The following EPHA6 variants were observed in gnomAD, a reference collection of about 807,000 sequenced individuals.
The protein encoded by EPHA6 is EPH receptor A6, also known as ephrin type-A receptor 6.
EPHA6 carries 50 observed loss-of-function variants against 112.0 expected under a neutral mutation model. The ratio of observed to expected loss-of-function variants is 0.45; its 90% CI spans 0.36 to 0.56. The LOEUF is 0.56. Ranked by LOEUF, EPHA6 falls within the 20% of genes least tolerant of loss-of-function variation. EPHA6 has a pLI of 0.00. For synonymous variants in EPHA6, 529 were observed against 490.7 expected, an observed-to-expected ratio of 1.08 and a Z score of -1.03; for missense variants, 1,280 against 1,417.4, an observed-to-expected ratio of 0.90 and a Z score of 1.56.
intron 3 of EPHA6, among the ~76,000 whole-genome samples, chr3:97,106,528 G>A (rs2047574861): frequency 6.6e-6 from 1 of 152,080 alleles, no homozygotes; most frequent in Non-Finnish European, 1.5e-5. Flanking sequence ...TCCCCCTTCT[G>A]GCTTCCCCAT....
intron 5 of EPHA6, among the ~76,000 whole-genome samples, chr3:97,363,122 A>T (rs1385261326): frequency 7.3e-6 from 1 of 137,880 alleles, no homozygotes; most frequent in East Asian, 2.2e-4. Flanking sequence ...CATGTAAGAG[A>T]TTTTAATAGA....
At chr3:96,988,229 C>A (rs1016005365) in intron 3 of EPHA6, among the ~76,000 whole-genome samples, 11 of 151,978 alleles carry the variant, frequency 7.2e-5, no homozygotes, top group Non-Finnish European at 1.5e-4. Flanking sequence ...TCAAATAATA[C>A]ATTTTTGAGT....
chr3:96,826,164 G>T (rs2033646330), intron 1 of EPHA6, among the ~76,000 whole-genome samples: 1 of 151,820 alleles, frequency 6.6e-6, no homozygotes, highest in African/African-American at 2.4e-5. Context: ...TTAATTCTAT[G>T]CCAGATTATA....
chr3:97,043,805 T>C (rs1237396722), intron 3 of EPHA6, among the ~76,000 whole-genome samples: 1 of 152,130 alleles, frequency 6.6e-6, no homozygotes, highest in Non-Finnish European at 1.5e-5. Context: ...TACAAAGAAA[T>C]ATATCTGTTC....
In EPHA6 at chr3:97,592,615, C is replaced by T. The variant is rs56105715; in HGVS notation, c.2390C>T (p.Ser797Phe). The change falls in exon 12 of 18, where the codon TCC becomes TTC. Residue 797 changes from serine to phenylalanine, a missense_variant. Around this residue, in one of 4 missense-constraint regions of EPHA6, gnomAD observed 878 missense variants for 999.7 expected, o/e 0.88. Coordinates refer to ENST00000389672, the MANE Select transcript of EPHA6 (RefSeq NM_001080448.3). ...IRLEGVVTKRSFPAIGVEAFC... is the reference protein window; with the variant it reads ...IRLEGVVTKRFFPAIGVEAFC... ...GTCAATTTTTATCTCTTAAAAGGAT[C>T]CTTCCCGGCCATTGGGGTGGAGGCG... 10 of 1,612,982 alleles carry T rather than the reference C, an allele frequency of 6.2e-6. No individual in the cohort carries two copies. Among genetic ancestry groups the T allele is most frequent in the Non-Finnish European group, 8.5e-6 (10 of 1,179,492 alleles).
At chr3:97,626,818 C>A (rs1284460409) in intron 13 of EPHA6, among the ~76,000 whole-genome samples, 1 of 151,798 alleles carries the variant, frequency 6.6e-6, no homozygotes, top group East Asian at 1.9e-4. Flanking sequence ...CAAATCAGGG[C>A]TTTCTGTCTT....
At chr3:97,035,449 T>A (rs1576364574) in intron 3 of EPHA6, among the ~76,000 whole-genome samples, 1 of 151,940 alleles carries the variant, frequency 6.6e-6, no homozygotes, top group African/African-American at 2.4e-5. Flanking sequence ...ATTCTTCTTT[T>A]TTTCAATATC....
chr3:96,982,961 A>G (rs557898162), intron 2 of EPHA6, among the ~76,000 whole-genome samples: 2 of 152,094 alleles, frequency 1.3e-5, no homozygotes, highest in African/African-American at 4.8e-5. Flanking sequence ...TGCATATGTG[A>G]TGGGTTTCCT....
intron 5 of EPHA6, among the ~76,000 whole-genome samples, chr3:97,274,252 G>A (rs190893546): frequency 6.6e-6 from 1 of 152,284 alleles, no homozygotes; most frequent in East Asian, 1.9e-4. Context: ...CGGGGGAGTA[G>A]GTGGGAGTGA....
intron 5 of EPHA6, among the ~76,000 whole-genome samples, chr3:97,264,349 C>A (rs2079602219): frequency 2.0e-5 from 3 of 152,364 alleles, no homozygotes; most frequent in South Asian, 4.1e-4. Context: ...GACATGCCAG[C>A]TGCTTCCACA....
intron 14 of EPHA6, among the ~76,000 whole-genome samples, chr3:97,697,078 C>A (rs953755369): frequency 2.0e-5 from 3 of 152,126 alleles, no homozygotes; most frequent in Non-Finnish European, 2.9e-5. Context: ...TTTTCCTAAA[C>A]CTCATCAGTG....
At chr3:97,725,221 T>A (rs1262235317) in intron 15 of EPHA6, among the ~76,000 whole-genome samples, 1 of 152,098 alleles carries the variant, frequency 6.6e-6, no homozygotes, top group Non-Finnish European at 1.5e-5. Context: ...TATTCCAGCT[T>A]TGCAACCCCA....
rs183731747 is a variant in EPHA6, at chr3:97,755,036, T to C, written c.*6335T>C. The stretch of plus-strand genomic sequence containing the variant: ...TTCTTTTAAACAAAACATGGAAAAG[T>C]TCTTGCTTGAACTTTCACACTGATT... On this transcript the variant is annotated 3_prime_UTR_variant, in exon 18 of 18. Coordinates refer to ENST00000389672, the MANE Select transcript of EPHA6 (RefSeq NM_001080448.3). Among the ~76,000 whole-genome samples, 198 of 152,300 alleles carry C rather than the reference T, an allele frequency of 1.3e-3. No homozygotes were observed. Among genetic ancestry groups the C allele is most frequent in the Middle Eastern group, 3.4e-3 (1 of 294 alleles).
chr3:97,344,204 A>G (rs1320717819), intron 5 of EPHA6, among the ~76,000 whole-genome samples: 1 of 152,128 alleles, frequency 6.6e-6, no homozygotes, highest in Non-Finnish European at 1.5e-5. Flanking sequence ...TGCTGGAACG[A>G]GTTAAGATTT....
chr3:96,992,026 T>C (rs1285822388), intron 3 of EPHA6, among the ~76,000 whole-genome samples: 1 of 152,166 alleles, frequency 6.6e-6, no homozygotes. Context: ...TCTTTTGGCT[T>C]TCTTACTAGT....
rs531290382 is a variant in EPHA6 at position 97,060,878 on chromosome 3, T to C, written c.1114+72885T>C. On this transcript the variant is annotated intron_variant, in intron 3 of 17. Coordinates refer to ENST00000389672, the MANE Select transcript of EPHA6 (RefSeq NM_001080448.3). Reference sequence around the variant, plus strand: ...GGCGGAGCTTACAGTGAGCCGAGATTGCGCCTCTGCATTCCAGCCTGGGCG... The same window carrying C: ...GGCGGAGCTTACAGTGAGCCGAGATCGCGCCTCTGCATTCCAGCCTGGGCG... 4.0e-3 allele frequency among the ~76,000 whole-genome samples: 536 copies of C among 134,710 alleles called. 1 individual carries two copies. Among genetic ancestry groups the C allele is most frequent in the Non-Finnish European group, 5.9e-3 (387 of 65,846 alleles). The allele number at this position is 134,710 out of a possible 152,430, so 88.4% of individuals were successfully genotyped here.
chr3:97,218,689 A>T (rs1258518067), intron 3 of EPHA6, among the ~76,000 whole-genome samples: 1 of 152,130 alleles, frequency 6.6e-6, no homozygotes, highest in African/African-American at 2.4e-5. Context: ...TAACCAAATC[A>T]TTCTGTCCCT....
intron 2 of EPHA6, among the ~76,000 whole-genome samples, chr3:96,970,256 CACACACACACAA>C (rs1254563026): frequency 2.5e-4 from 38 of 149,908 alleles, no homozygotes; most frequent in African/African-American, 8.7e-4. Context: ...CACACACACA[CACACACACACAA>C]ACACACACAC....
At chr3:96,894,178 A>C (rs1313308602) in intron 2 of EPHA6, among the ~76,000 whole-genome samples, 1 of 152,192 alleles carries the variant, frequency 6.6e-6, no homozygotes, top group Non-Finnish European at 1.5e-5. Context: ...AGGGTCTTCA[A>C]GTATGTCAGT....
Sources: allele counts gnomAD v4.1 joint callset (sites outside exome capture counted in the v4.1 genomes callset), GRCh38; gene constraint gnomAD v4.1.1; regional missense constraint gnomAD v4.1.1; transcripts MANE v1.5; gene names NCBI Gene and HGNC (gene_info 2026-07-23, HGNC 2026-07-21).